Variants in PCDHGC4 observed in about 807,000 individuals in gnomAD.
The protein encoded by PCDHGC4 is protocadherin gamma-C4.
PCDHGC4 carries 15 observed loss-of-function variants against 59.7 expected under a neutral mutation model. The observed-to-expected ratio is 0.25, with a 90% confidence interval of 0.17 to 0.39. The LOEUF is 0.39. Among genes scored for constraint, PCDHGC4 ranks in the 10% least tolerant of loss-of-function variants. The pLI is 1.00. For synonymous variants in PCDHGC4, 434 were observed against 481.4 expected (o/e 0.90, Z 1.29); for missense variants, 1,016 against 1,189.5 (o/e 0.85, Z 2.15).
At chr5:141,506,076 T>C (rs2154593839) in intron 3 of PCDHGC4, among the ~76,000 whole-genome samples, 1 of 152,244 alleles carries the variant, frequency 6.6e-6, no homozygotes, top group South Asian at 2.1e-4. Flanking sequence ...TCCTTTGTAA[T>C]AGAGATTCGG....
At position 141,511,146 on chromosome 5, in the gene PCDHGC4, G is replaced by T; in HGVS notation, c.2790G>T (p.Lys930Asn). 1 of 1,614,208 alleles carries T rather than the reference G, an allele frequency of 6.2e-7. No individual in the cohort carries two copies. Among genetic ancestry groups the T allele is most frequent in the Non-Finnish European group, 8.5e-7 (1 of 1,180,018 alleles). The change falls in exon 4 of 4, where the codon AAG becomes AAT. Residue 930 changes from lysine to asparagine, a missense_variant. Lys to Asn is a moderately conservative substitution (Grantham distance 94). Coordinates refer to ENST00000306593, the MANE Select transcript of PCDHGC4 (RefSeq NM_018928.3). Reference protein sequence around the residue: ...KAPAGGNGNKKKSGKKEKK With the variant: ...KAPAGGNGNKNKSGKKEKK The stretch of plus-strand genomic sequence containing the variant: ...CAGCAGGTGGCAATGGCAACAAGAA[G>T]AAGTCGGGCAAGAAGGAGAAGAAGT...
intron 3 of PCDHGC4, among the ~76,000 whole-genome samples, chr5:141,508,620 G>A (rs1017391751): frequency 2.0e-5 from 3 of 152,070 alleles, no homozygotes; most frequent in East Asian, 1.9e-4. Context: ...GACGTGGGTG[G>A]GCCGAGCTTC....
Position 141,491,743 on chromosome 5 carries a change from A to G in PCDHGC4, c.2443-3064A>G, listed in dbSNP as rs752434173. ...GCCCCGGGCGACCCCTGGGGGCGGC[A>G]CTGGAGAAGCCGCCCGTCCTCATAA... On this transcript the variant is annotated intron_variant, in intron 1 of 3. Transcript: ENST00000306593. The surrounding 1 kb of genome is among the most constrained non-coding windows in gnomAD (Gnocchi z 6.9). 5.0e-6 allele frequency: 8 copies of G among 1,595,570 alleles called. No individual in the cohort carries two copies. In the Admixed American group the frequency reaches 1.4e-4, roughly 28 times the overall value.
chr5:141,500,043 T>A (rs1240979831), intron 2 of PCDHGC4, among the ~76,000 whole-genome samples: 1 of 152,048 alleles, frequency 6.6e-6, no homozygotes, highest in East Asian at 1.9e-4. Flanking sequence ...CTCTTAAGTA[T>A]CTTAATGCTC....
In PCDHGC4 at chr5:141,487,241, A is replaced by G. The variant is rs753291480; in HGVS notation, c.2068A>G (p.Thr690Ala). ...TCCAAGGGAAGGAGAATCTCGTCTA[A>G]CCCTCTACTTGGCTGTGTCCCTAGT... ...SAPREGESRL[T>A]LYLAVSLVAI... The change falls in exon 1 of 4, where the codon ACC (threonine) becomes GCC (alanine). Residue 690 changes from threonine (T) to alanine (A), a missense_variant. Transcript: ENST00000306593. The surrounding 1 kb of genome is among the most constrained non-coding windows in gnomAD (Gnocchi z 5.0). 2 of 1,613,876 alleles carry G rather than the reference A, an allele frequency of 1.2e-6. No homozygotes were observed. The highest frequency in any genetic ancestry group is 3.3e-5 in the Admixed American group (2 of 59,988).
chr5:141,503,221 C>A (rs528636727), intron 2 of PCDHGC4, among the ~76,000 whole-genome samples: 2 of 151,956 alleles, frequency 1.3e-5, no homozygotes, highest in Non-Finnish European at 2.9e-5. Context: ...CCATGAGCAC[C>A]GTAAAGATGG....
At chr5:141,509,777 G>A (rs1244876699) in intron 3 of PCDHGC4, among the ~76,000 whole-genome samples, 1 of 152,100 alleles carries the variant, frequency 6.6e-6, no homozygotes, top group Non-Finnish European at 1.5e-5. Flanking sequence ...TCTAGTCCCC[G>A]AGATCATCAT....
At chr5:141,501,718 A>G (rs914077060) in intron 2 of PCDHGC4, among the ~76,000 whole-genome samples, 1 of 152,152 alleles carries the variant, frequency 6.6e-6, no homozygotes, top group Non-Finnish European at 1.5e-5. Flanking sequence ...AAAAAGACAA[A>G]TATATTACCC....
In PCDHGC4 at chr5:141,485,735, G is replaced by A; in HGVS notation, c.562G>A (p.Gly188Ser). 6.2e-7 allele frequency: 1 copy of A among 1,614,166 alleles called. No homozygotes were observed. The highest frequency in any genetic ancestry group is 8.5e-7 in the Non-Finnish European group (1 of 1,180,036). Residue 188 changes from glycine to serine, a missense_variant, in exon 1 of 4, where the codon GGC (glycine) becomes AGC (serine). Coordinates refer to ENST00000306593, the MANE Select transcript of PCDHGC4 (RefSeq NM_018928.3). The surrounding 1 kb of genome is among the most constrained non-coding windows in gnomAD (Gnocchi z 5.7). Reference sequence around the variant, plus strand: ...ACTGGATGTGAAGAAGCGCAGCGACGGCAGCCTGGTCCCAGAGCTGCTCCT... The same window carrying A: ...ACTGGATGTGAAGAAGCGCAGCGACAGCAGCCTGGTCCCAGAGCTGCTCCT... ...FALDVKKRSD[G>S]SLVPELLLEK...
In PCDHGC4 at chr5:141,511,223, A is replaced by G. The variant is rs1193308928; in HGVS notation, c.*50A>G. On this transcript the variant is annotated 3_prime_UTR_variant, in exon 4 of 4. Transcript: ENST00000306593. ...AGGGCGGCCTCTCCCCAACCAGCCC[A>G]GCTTCTCCTTACCTGCACCCAGGCC... 1 of 1,604,390 alleles carries G rather than the reference A, an allele frequency of 6.2e-7. No individual in the cohort carries two copies.
At chr5:141,506,700 G>A (rs780282969) in intron 3 of PCDHGC4, among the ~76,000 whole-genome samples, 3 of 152,138 alleles carry the variant, frequency 2.0e-5, no homozygotes, top group Non-Finnish European at 2.9e-5. Flanking sequence ...ACCCAAACCC[G>A]TTTTTTACTG....
rs761264372 is a variant in PCDHGC4 at position 141,489,500 on chromosome 5, A to G, written c.2442+1885A>G. 12 of 1,614,112 alleles carry G rather than the reference A, an allele frequency of 7.4e-6. No individual in the cohort carries two copies. In the South Asian group the frequency reaches 1.3e-4, roughly 18 times the overall value. On this transcript the variant is annotated intron_variant, in intron 1 of 3. Coordinates refer to ENST00000306593, the MANE Select transcript of PCDHGC4 (RefSeq NM_018928.3). This position sits in a 1 kb window ranked among gnomAD's most constrained non-coding sequence, Gnocchi z 4.5. ...TTGATGAGTGGTGCCCTGGCAGTGA[A>G]TCAAAAGATTGACCGAGAAAGCCTA...
chr5:141,508,241 T>G (rs1475142426), intron 3 of PCDHGC4: 2 of 152,286 alleles, frequency 1.3e-5, no homozygotes, highest in East Asian at 3.9e-4. Context: ...CTCCTAAGTC[T>G]GCCTCTCCTG....
At position 141,490,370 on chromosome 5, in the gene PCDHGC4, G is replaced by C. The variant is rs768474199; in HGVS notation, c.2442+2755G>C. ...GTGGGGTTGTTTAATGTGCGAGACC[G>C]GGACTCAGGTAGAAATGGTGAAGTG... On this transcript the variant is annotated intron_variant, in intron 1 of 3. Coordinates refer to ENST00000306593, the MANE Select transcript of PCDHGC4 (RefSeq NM_018928.3). The surrounding 1 kb of genome is among the most constrained non-coding windows in gnomAD (Gnocchi z 5.4). 1 of 1,614,172 alleles carries C rather than the reference G, an allele frequency of 6.2e-7. No individual in the cohort carries two copies. Among genetic ancestry groups the C allele is most frequent in the Admixed American group, 1.7e-5 (1 of 60,026 alleles).
rs777115265 is a variant in PCDHGC4, at chr5:141,485,247, G to C, written c.74G>C (p.Gly25Ala). Reference protein sequence around the residue: ...ATLLFLFYHLGYVCGQIRYPV... With the variant: ...ATLLFLFYHLAYVCGQIRYPV... ...CTTTTGTTCCTCTTTTACCACCTGG[G>C]TTACGTTTGTGGGCAGATCCGCTAC... Residue 25 changes from glycine to alanine, a missense_variant, in exon 1 of 4, where the codon GGT (glycine) becomes GCT (alanine). Gly to Ala is a moderately conservative substitution (Grantham distance 60). Coordinates refer to ENST00000306593, the MANE Select transcript of PCDHGC4 (RefSeq NM_018928.3). This position sits in a 1 kb window ranked among gnomAD's most constrained non-coding sequence, Gnocchi z 5.7. 8.7e-6 allele frequency: 14 copies of C among 1,614,156 alleles called. No homozygotes were observed. In the African/African-American group the frequency reaches 1.6e-4, roughly 18 times the overall value.
intron 2 of PCDHGC4, among the ~76,000 whole-genome samples, chr5:141,502,170 G>A (rs1165631931): frequency 6.6e-6 from 1 of 152,128 alleles, no homozygotes; most frequent in Admixed American, 6.5e-5. Context: ...TTCAGTTGAG[G>A]AATTTAACAT....
rs2099883775 is a variant in PCDHGC4 at position 141,511,415 on chromosome 5, A to G, written c.*242A>G. On this transcript the variant is annotated 3_prime_UTR_variant, in exon 4 of 4. Transcript: ENST00000306593. ...CCCCATCCAATCAACTGCTGTACCC[A>G]TGGGGGTAGTGGGGTTACTGTAGAC... 1.2e-6 allele frequency: 1 copy of G among 868,992 alleles called. No individual in the cohort carries two copies. The highest frequency in any genetic ancestry group is 2.9e-5 in the East Asian group (1 of 34,592). The allele number at this position is 868,992 out of a possible 1,614,324, so 53.8% of individuals were successfully genotyped here.
chr5:141,510,814 C>CA, intron 3 of PCDHGC4, 133 bp from the exon 4 acceptor site: 1 of 1,544,688 alleles, frequency 6.5e-7, no homozygotes, highest in Admixed American at 1.8e-5. Flanking sequence ...TTGGTGACCC[C>CA]TATATTCCCA....
chr5:141,497,740 C>G (rs954595046), intron 2 of PCDHGC4, among the ~76,000 whole-genome samples: 9 of 152,054 alleles, frequency 5.9e-5, no homozygotes, highest in African/African-American at 2.2e-4. Context: ...GGTTTCGCCA[C>G]GTTGGCCAGG....
Sources: allele counts gnomAD v4.1 joint callset (sites outside exome capture counted in the v4.1 genomes callset), GRCh38; gene constraint gnomAD v4.1.1; non-coding constraint Gnocchi (gnomAD v3.1); transcripts MANE v1.5; gene names NCBI Gene and HGNC (gene_info 2026-07-23, HGNC 2026-07-21).